Variants in MYCBP2 observed in about 807,000 individuals in gnomAD.
The protein encoded by MYCBP2 is E3 ubiquitin-protein ligase MYCBP2.
MYCBP2 carries 120 observed loss-of-function variants against 525.3 expected under a neutral mutation model. That is an observed-to-expected ratio of 0.23 (90% CI 0.20 to 0.27). The LOEUF is 0.27. Among genes scored for constraint, MYCBP2 ranks in the 10% least tolerant of loss-of-function variants. MYCBP2 has a pLI of 1.00. For synonymous variants in MYCBP2, 1,894 were observed against 1,955.8 expected (o/e 0.97, Z 0.83); for missense variants, 4,149 against 5,657.1 (o/e 0.73, Z 8.55).
chr13:77,242,609 G>C (rs2069059674), intron 17 of MYCBP2, among the ~76,000 whole-genome samples: 2 of 152,140 alleles, frequency 1.3e-5, no homozygotes, highest in South Asian at 4.1e-4. Context: ...CAGCATAGCA[G>C]GACTATGTCC....
chr13:77,190,185 G>A (rs1252764222), intron 29 of MYCBP2, 67 bp downstream of exon 29: 9 of 999,386 alleles, frequency 9.0e-6, no homozygotes, highest in Middle Eastern at 4.7e-4. Flanking sequence ...GCCACGTTTT[G>A]TAATGATTCT....
Position 77,070,643 on chromosome 13 carries a change from G to A in MYCBP2, c.11892C>T (p.Asn3964=). The change falls in exon 69 of 83, where the codon AAC becomes AAT. Residue 3964 remains asparagine, a synonymous_variant. Transcript: ENST00000544440. ...GCTGTTAACCAACCTGTTTTTGTAAGTTAGTCAGCTTACTCCTGCTGAATA... is the reference window on the plus strand; with the variant it reads ...GCTGTTAACCAACCTGTTTTTGTAAATTAGTCAGCTTACTCCTGCTGAATA... The part of the protein sequence containing the change: ...GIIFSRSKLT[N]LQKQVCAHIV... 6.2e-7 allele frequency: 1 copy of A among 1,605,236 alleles called. No homozygotes were observed. The highest frequency in any genetic ancestry group is 1.3e-5 in the African/African-American group (1 of 74,152).
intron 68 of MYCBP2, chr13:77,075,915 ATTAGATACTACTGTATT>A (rs2042215067): frequency 1.3e-5 from 2 of 152,250 alleles, no homozygotes; most frequent in African/African-American, 2.4e-5. Context: ...CAGGACAATG[ATTAGATACTACTGTATT>A]AAGAAACACA....
intron 1 of MYCBP2, among the ~76,000 whole-genome samples, chr13:77,325,129 A>C (rs1335513932): frequency 1.3e-5 from 2 of 152,234 alleles, no homozygotes; most frequent in African/African-American, 4.8e-5. Flanking sequence ...TTAACCTAGA[A>C]AAAGTGTGAA....
chr13:77,100,727 CT>C (rs1038143533), intron 55 of MYCBP2, among the ~76,000 whole-genome samples: 1 of 151,780 alleles, frequency 6.6e-6, no homozygotes, highest in African/African-American at 2.4e-5. Context: ...AAACATAATG[CT>C]TTTTAGTTTC....
intron 37 of MYCBP2, among the ~76,000 whole-genome samples, 198 bp downstream of exon 37, chr13:77,174,113 A>C (rs946453074): frequency 6.6e-6 from 1 of 152,268 alleles, no homozygotes; most frequent in African/African-American, 2.4e-5. Flanking sequence ...AAAATATTTT[A>C]AAGCATTAAC....
chr13:77,272,768 C>T, intron 5 of MYCBP2, among the ~76,000 whole-genome samples: 1 of 152,146 alleles, frequency 6.6e-6, no homozygotes, highest in East Asian at 1.9e-4. Flanking sequence ...CAATATACTC[C>T]TTTTGCTATC....
At position 77,110,559 on chromosome 13, in the gene MYCBP2, T is replaced by C. The variant is rs906527234; in HGVS notation, c.8140+10814A>G. Among the ~76,000 whole-genome samples the C allele has an allele frequency of 3.3e-5, 5 of 152,324 alleles. No individual in the cohort carries two copies. The East Asian group carries it at 9.7e-4, about 29-fold the overall frequency. On this transcript the variant is annotated intron_variant, in intron 55 of 82. Coordinates refer to ENST00000544440, the MANE Select transcript of MYCBP2 (RefSeq NM_015057.5). Reference sequence around the variant, plus strand: ...TGTGATCTTTTTGCCCTTTAAGGCATGTGATCTTTGTGACCTACTCCCTGT... The same window carrying C: ...TGTGATCTTTTTGCCCTTTAAGGCACGTGATCTTTGTGACCTACTCCCTGT...
intron 18 of MYCBP2, among the ~76,000 whole-genome samples, chr13:77,226,037 A>T (rs2066217685): frequency 6.6e-6 from 1 of 152,188 alleles, no homozygotes; most frequent in African/African-American, 2.4e-5. Context: ...CACTGCCCAT[A>T]AGTATTTTGA....
chr13:77,096,580 G>T (rs997781426), intron 56 of MYCBP2, 99 bp from the exon 57 acceptor site: 1 of 1,257,824 alleles, frequency 8.0e-7, no homozygotes, highest in Non-Finnish European at 1.1e-6. Context: ...CCTTCTCAAA[G>T]AAAGCAAAAT....
chr13:77,301,552 AC>A (rs2078815895), intron 1 of MYCBP2, among the ~76,000 whole-genome samples: 1 of 152,078 alleles, frequency 6.6e-6, no homozygotes, highest in Non-Finnish European at 1.5e-5. Flanking sequence ...AGATAATCAA[AC>A]TCCTCATTCT....
At chr13:77,057,377 T>C (rs1228890091) in intron 78 of MYCBP2, among the ~76,000 whole-genome samples, 1 of 152,196 alleles carries the variant, frequency 6.6e-6, no homozygotes, top group Non-Finnish European at 1.5e-5. Context: ...AAAGTAAAAT[T>C]ATTCAATTTT....
At chr13:77,121,198 C>T in intron 55 of MYCBP2, 175 bp downstream of exon 55, 1 of 573,562 alleles carries the variant, frequency 1.7e-6, no homozygotes, top group Admixed American at 4.5e-5. Flanking sequence ...AAAACAACAG[C>T]AAAAAACAAT....
chr13:77,072,423 A>G (rs1233416640), intron 68 of MYCBP2, among the ~76,000 whole-genome samples: 1 of 152,152 alleles, frequency 6.6e-6, no homozygotes, highest in African/African-American at 2.4e-5. Flanking sequence ...TGCTTAGAAG[A>G]AAATAATAGC....
In MYCBP2 at chr13:77,059,512, T is replaced by A. The variant is rs374721826; in HGVS notation, c.13140+11A>T. ...TGGACAATGGGATGGCCTGTGTCAC[T>A]ATATACTCACCTGGCAATCTGCATC... On this transcript the variant is annotated intron_variant, in intron 77 of 82. Coordinates refer to ENST00000544440, the MANE Select transcript of MYCBP2 (RefSeq NM_015057.5). 1.3e-6 allele frequency: 2 copies of A among 1,598,452 alleles called. No homozygotes were observed. Among genetic ancestry groups the A allele is most frequent in the African/African-American group, 2.7e-5 (2 of 74,606 alleles).
intron 54 of MYCBP2, among the ~76,000 whole-genome samples, chr13:77,124,990 G>A (rs1020566773): frequency 6.6e-6 from 1 of 152,074 alleles, no homozygotes; most frequent in Non-Finnish European, 1.5e-5. Context: ...ATTGGTAGTT[G>A]GAATACCGAA....
intron 68 of MYCBP2, among the ~76,000 whole-genome samples, chr13:77,071,449 G>A (rs1026213903): frequency 6.6e-6 from 1 of 152,036 alleles, no homozygotes; most frequent in Non-Finnish European, 1.5e-5. Flanking sequence ...TTAAGATAGA[G>A]AGCCAGAAGA....
Position 77,070,661 on chromosome 13 carries a change from G to A in MYCBP2, c.11874C>T (p.Ser3958=). The part of the protein sequence containing the change: ...LKEHMVGIIF[S]RSKLTNLQKQ... The stretch of plus-strand genomic sequence containing the variant: ...TTTGTAAGTTAGTCAGCTTACTCCT[G>A]CTGAATATGATTCCAACCATATGTT... Residue 3958 remains serine, a synonymous_variant, in exon 69 of 83, where the codon AGC becomes AGT. Transcript: ENST00000544440. The A allele has an allele frequency of 6.2e-7, 1 of 1,607,758 alleles. No individual in the cohort carries two copies.
rs762964382 is a variant in MYCBP2 at position 77,176,451 on chromosome 13, A to G, written c.5472+46T>C. On this transcript the variant is annotated intron_variant, in intron 36 of 82. Coordinates refer to ENST00000544440, the MANE Select transcript of MYCBP2 (RefSeq NM_015057.5). ...GAATACTCTTCACTATTTTAACTAC[A>G]TAATAATACCTCTTATTCACAATAG... 13 of 1,480,718 alleles carry G rather than the reference A, an allele frequency of 8.8e-6. No individual in the cohort carries two copies. In the South Asian group the frequency reaches 1.6e-4, roughly 19 times the overall value. 91.7% of individuals were successfully genotyped at this position (1,480,718 alleles called of 1,614,324 possible). A position where few individuals can be genotyped will look rare whatever the true frequency, so the allele number is the denominator to read the frequency against.
Sources: allele counts gnomAD v4.1 joint callset (sites outside exome capture counted in the v4.1 genomes callset), GRCh38; gene constraint gnomAD v4.1.1; transcripts MANE v1.5; gene names NCBI Gene and HGNC (gene_info 2026-07-23, HGNC 2026-07-21).